ADARB2: variants seen among roughly 807,000 people sequenced by gnomAD.
The protein encoded by ADARB2 is inactive double-stranded RNA-specific editase B2.
In ADARB2, 25 loss-of-function variants were observed where a neutral mutation model predicts 62.2. The observed-to-expected ratio is 0.40, with a 90% CI of 0.29 to 0.56. ADARB2 has a LOEUF of 0.56. Among genes scored for constraint, ADARB2 ranks in the 20% least tolerant of loss-of-function variants. The pLI is 0.43. For missense variants in ADARB2, 1,071 were observed against 1,077.4 expected, an observed-to-expected ratio of 0.99 and a Z score of 0.08; for synonymous variants, 572 against 500.8, an observed-to-expected ratio of 1.14 and a Z score of -1.90.
intron 2 of ADARB2, among the ~76,000 whole-genome samples, chr10:1,365,248 T>A (rs1445401446): frequency 1.3e-5 from 2 of 152,108 alleles, no homozygotes; most frequent in Non-Finnish European, 2.9e-5. Context: ...TGCCTGATCT[T>A]TGATGTTACT....
Position 1,409,789 on chromosome 10 carries a change from G to A in ADARB2, c.101-30629C>T, listed in dbSNP as rs183061840. ...GGGAATGACTGACAGTGGTGCTGAGGCCTGGCCGTGGTCATAGGGAAGGAT... is the reference window on the plus strand; with the variant it reads ...GGGAATGACTGACAGTGGTGCTGAGACCTGGCCGTGGTCATAGGGAAGGAT... On this transcript the variant is annotated intron_variant, in intron 1 of 9. Transcript: ENST00000381312. Among the ~76,000 whole-genome samples, 47 of 129,502 alleles carry A rather than the reference G, an allele frequency of 3.6e-4. 9 individuals carry two copies. Among genetic ancestry groups the A allele is most frequent in the Non-Finnish European group, 7.1e-4 (40 of 56,456 alleles). The allele number at this position is 129,502 out of a possible 152,430, so 85.0% of individuals were successfully genotyped here.
rs540919137 is a variant in ADARB2, at chr10:1,512,881, C to T, written c.101-133721G>A. ...CACCCCACGTCTGCCACCAGCCTTT[C>T]GCACAGCAGGAAATCAACAACGACT... On this transcript the variant is annotated intron_variant, in intron 1 of 9. Transcript: ENST00000381312. 1.4e-4 allele frequency among the ~76,000 whole-genome samples: 22 copies of T among 152,324 alleles called. 1 individual carries two copies. The South Asian group carries it at 3.1e-3, about 22-fold the overall frequency.
chr10:1,394,599 T>G (rs926762344), intron 1 of ADARB2, among the ~76,000 whole-genome samples: 3 of 152,202 alleles, frequency 2.0e-5, no homozygotes, highest in Non-Finnish European at 2.9e-5. Context: ...CTCGTGGAAT[T>G]TCACGGAGGT....
intron 1 of ADARB2, among the ~76,000 whole-genome samples, chr10:1,720,956 G>A (rs542205533): frequency 2.0e-5 from 3 of 152,324 alleles, no homozygotes; most frequent in South Asian, 4.1e-4. Context: ...GCACAAAGCC[G>A]CTTTGAATGT....
At chr10:1,408,560 C>A (rs978309040) in intron 1 of ADARB2, among the ~76,000 whole-genome samples, 2 of 152,178 alleles carry the variant, frequency 1.3e-5, no homozygotes, top group African/African-American at 4.8e-5. Context: ...CAGGGCCACC[C>A]GTCCAGCATG....
At chr10:1,516,524 C>T (rs1832011283) in intron 1 of ADARB2, among the ~76,000 whole-genome samples, 1 of 151,406 alleles carries the variant, frequency 6.6e-6, no homozygotes, top group Admixed American at 6.6e-5. Flanking sequence ...CTGCTCTGTG[C>T]TGTGTGGGCT....
chr10:1,737,040 G>A lies in ADARB2; in HGVS notation c.100+11C>T, dbSNP rs1473150349. On this transcript the variant is annotated intron_variant, in intron 1 of 9. Transcript: ENST00000381312. ...AGGGGGGCAGGGGCCGGCGCGCCAC[G>A]CGGTCCTTACCTTTCCGCTTGGACC... 1 of 1,609,416 alleles carries A rather than the reference G, an allele frequency of 6.2e-7. No homozygotes were observed. Among genetic ancestry groups the A allele is most frequent in the Non-Finnish European group, 8.5e-7 (1 of 1,179,830 alleles).
At chr10:1,531,799 TG>T (rs1832244638) in intron 1 of ADARB2, among the ~76,000 whole-genome samples, 2 of 151,934 alleles carry the variant, frequency 1.3e-5, no homozygotes, top group Admixed American at 1.3e-4. Context: ...ATTGTGCCAC[TG>T]CACTCCAGCC....
intron 3 of ADARB2, among the ~76,000 whole-genome samples, chr10:1,335,781 G>A (rs1401569958): frequency 6.6e-6 from 1 of 152,176 alleles, no homozygotes; most frequent in Non-Finnish European, 1.5e-5. Flanking sequence ...AGCAGAATGT[G>A]CACATCCCGA....
At position 1,235,406 on chromosome 10, in the gene ADARB2, C is replaced by T. The variant is rs141528517; in HGVS notation, c.1362-1561G>A. ...GCTGTGAAGCTGGAGCTGAGCAGCC[C>T]CACCTCTGCCCCATCGGAGTGGGCG... On this transcript the variant is annotated intron_variant, in intron 5 of 9. Coordinates refer to ENST00000381312, the MANE Select transcript of ADARB2 (RefSeq NM_018702.4). 7.8e-3 allele frequency among the ~76,000 whole-genome samples: 543 copies of T among 69,600 alleles called. 5 individuals are homozygous for T. Among genetic ancestry groups the T allele is most frequent in the Non-Finnish European group, 9.7e-3 (324 of 33,434 alleles). 45.7% of individuals were successfully genotyped at this position (69,600 alleles called of 152,430 possible).
chr10:1,469,981 A>G lies in ADARB2; in HGVS notation c.101-90821T>C, dbSNP rs191297049. ...GAAGCAAAGTGTCATTCCAGGGGGC[A>G]TGAGGCCGGCGTGCCTGGGAGCCCG... On this transcript the variant is annotated intron_variant, in intron 1 of 9. Transcript: ENST00000381312. 9.1e-4 allele frequency among the ~76,000 whole-genome samples: 138 copies of G among 152,212 alleles called. 1 individual carries two copies. The highest frequency in any genetic ancestry group is 3.2e-3 in the African/African-American group (131 of 41,572).
At chr10:1,194,150 T>G (rs1836876297) in intron 8 of ADARB2, among the ~76,000 whole-genome samples, 1 of 152,210 alleles carries the variant, frequency 6.6e-6, no homozygotes, top group Non-Finnish European at 1.5e-5. Flanking sequence ...CCCAACTAGA[T>G]TAACTGCGAG....
At position 1,463,612 on chromosome 10, in the gene ADARB2, C is replaced by G. The variant is rs371118318; in HGVS notation, c.101-84452G>C. Among the ~76,000 whole-genome samples, 7 of 152,250 alleles carry G rather than the reference C, an allele frequency of 4.6e-5. No homozygotes were observed. In the East Asian group the frequency reaches 1.4e-3, roughly 29 times the overall value. ...GCTCTATTTTATTTTTCATAATAGA[C>G]CCAGACATGATTCTGTCTCAACTTG... On this transcript the variant is annotated intron_variant, in intron 1 of 9. Transcript: ENST00000381312.
At chr10:1,348,177 TG>T (rs1832098798) in intron 3 of ADARB2, among the ~76,000 whole-genome samples, 2 of 151,934 alleles carry the variant, frequency 1.3e-5, no homozygotes, top group Non-Finnish European at 1.5e-5. Flanking sequence ...GGGGCTGGGG[TG>T]GGAGTGGCTA....
At chr10:1,345,436 C>T (rs536363724) in intron 3 of ADARB2, among the ~76,000 whole-genome samples, 135 of 152,308 alleles carry the variant, frequency 8.9e-4, no homozygotes, top group African/African-American at 3.1e-3. Context: ...GAAGGCTTTC[C>T]TTTGGTTCCA....
At chr10:1,365,142 G>C (rs1832303338) in intron 2 of ADARB2, among the ~76,000 whole-genome samples, 1 of 152,094 alleles carries the variant, frequency 6.6e-6, no homozygotes, top group African/African-American at 2.4e-5. Context: ...AAAGTGCTGG[G>C]ATTACGGATG....
At chr10:1,331,533 A>G (rs1423388780) in intron 3 of ADARB2, among the ~76,000 whole-genome samples, 2 of 152,236 alleles carry the variant, frequency 1.3e-5, no homozygotes, top group African/African-American at 2.4e-5. Flanking sequence ...TGAAATGTCC[A>G]GAATAGGCAA....
chr10:1,233,996 A>G (rs1292784999), intron 5 of ADARB2, 151 bp from the exon 6 acceptor site: 32 of 857,832 alleles, frequency 3.7e-5, no homozygotes, highest in African/African-American at 1.0e-4. Flanking sequence ...TTTGAGACGG[A>G]GTCTTGTTCT....
At chr10:1,395,736 A>C (rs377246073) in intron 1 of ADARB2, among the ~76,000 whole-genome samples, 15 of 152,136 alleles carry the variant, frequency 9.9e-5, no homozygotes, top group Non-Finnish European at 2.1e-4. Context: ...CGGGAATCCA[A>C]TGAGACAAGG....
Sources: allele counts gnomAD v4.1 joint callset (sites outside exome capture counted in the v4.1 genomes callset), GRCh38; gene constraint gnomAD v4.1.1; transcripts MANE v1.5; gene names NCBI Gene and HGNC (gene_info 2026-07-23, HGNC 2026-07-21).